Variants in GABRB2 observed in about 807,000 individuals in gnomAD.
The protein encoded by GABRB2 is gamma-aminobutyric acid receptor subunit beta-2.
Under a neutral mutation model 54.7 loss-of-function variants are expected in GABRB2, and 16 were observed. That is an observed-to-expected ratio of 0.29 (90% CI 0.20 to 0.44). The LOEUF (loss-of-function observed/expected upper bound fraction) is 0.44, where lower values mean the gene tolerates loss of function less well. Ranked by LOEUF, GABRB2 falls within the 20% of genes least tolerant of loss-of-function variation. The pLI, the probability that GABRB2 is intolerant of heterozygous loss-of-function variation, is 1.00. For missense variants in GABRB2, 355 were observed against 644.0 expected, an observed-to-expected ratio of 0.55 and a Z score of 4.86; for synonymous variants, 244 against 233.8, an observed-to-expected ratio of 1.04 and a Z score of -0.40.
chr5:161,380,484 A>G (rs527363297), intron 5 of GABRB2, among the ~76,000 whole-genome samples: 1 of 152,324 alleles, frequency 6.6e-6, no homozygotes, highest in African/African-American at 2.4e-5. Flanking sequence ...TTTGCACCCA[A>G]TTGCATTTGC....
chr5:161,522,701 C>T (rs540619353), intron 3 of GABRB2, among the ~76,000 whole-genome samples: 17 of 151,514 alleles, frequency 1.1e-4, no homozygotes, highest in African/African-American at 3.4e-4. Flanking sequence ...AAAACAACAA[C>T]GAAAAGAGAC....
intron 7 of GABRB2, among the ~76,000 whole-genome samples, chr5:161,334,047 G>A (rs1293273558): frequency 8.5e-5 from 13 of 152,166 alleles, no homozygotes. Flanking sequence ...AATAATAAAT[G>A]AGTGGCTCTT....
chr5:161,498,913 C>T (rs942262834), intron 3 of GABRB2, among the ~76,000 whole-genome samples: 1 of 152,146 alleles, frequency 6.6e-6, no homozygotes, highest in Non-Finnish European at 1.5e-5. Flanking sequence ...ATTACATATG[C>T]ATCAAATAAA....
chr5:161,427,606 GTTAA>G (rs142687988), intron 4 of GABRB2, among the ~76,000 whole-genome samples: 26,941 of 151,878 alleles, frequency 0.18, 3,430 homozygotes, highest in African/African-American at 0.36. Flanking sequence ...GCACAACTTT[GTTAA>G]TTTGGGTTGT....
At chr5:161,518,436 T>C (rs2113423366) in intron 3 of GABRB2, among the ~76,000 whole-genome samples, 1 of 152,314 alleles carries the variant, frequency 6.6e-6, no homozygotes, top group Non-Finnish European at 1.5e-5. Context: ...CAGGATTGCC[T>C]TGTAATGTTT....
intron 3 of GABRB2, among the ~76,000 whole-genome samples, chr5:161,526,318 G>T (rs1760278385): frequency 6.6e-6 from 1 of 151,236 alleles, no homozygotes; most frequent in Non-Finnish European, 1.5e-5. Context: ...TCAGTCTTTA[G>T]GTGATCAAGC....
At chr5:161,319,986 T>C (rs1190785180) in intron 9 of GABRB2, among the ~76,000 whole-genome samples, 4 of 151,856 alleles carry the variant, frequency 2.6e-5, no homozygotes, top group Non-Finnish European at 4.4e-5. Flanking sequence ...AATTTCCCCT[T>C]AATGTTTAAT....
chr5:161,323,025 T>C (rs1580978551), intron 9 of GABRB2, among the ~76,000 whole-genome samples: 1 of 149,532 alleles, frequency 6.7e-6, no homozygotes. Context: ...TCTTGAAATA[T>C]ACTTTTTTTT....
At chr5:161,453,576 C>T (rs1757856511) in intron 4 of GABRB2, among the ~76,000 whole-genome samples, 1 of 152,152 alleles carries the variant, frequency 6.6e-6, no homozygotes, top group South Asian at 2.1e-4. Context: ...TTTTGGACTT[C>T]CCAGCCTGCA....
At chr5:161,474,719 G>A (rs1171286715) in intron 3 of GABRB2, among the ~76,000 whole-genome samples, 1 of 151,876 alleles carries the variant, frequency 6.6e-6, no homozygotes, top group Non-Finnish European at 1.5e-5. Context: ...ATAACTAGAA[G>A]GAAATTACAT....
At chr5:161,410,927 G>T in intron 5 of GABRB2, 48 bp downstream of exon 5, 3 of 1,431,302 alleles carry the variant, frequency 2.1e-6, no homozygotes, top group South Asian at 1.2e-5. Flanking sequence ...CTCTGCGTAA[G>T]AACCTTAAAG....
chr5:161,396,826 A>G (rs1309522098), intron 5 of GABRB2, among the ~76,000 whole-genome samples: 1 of 152,220 alleles, frequency 6.6e-6, no homozygotes, highest in African/African-American at 2.4e-5. Flanking sequence ...CCAGATTGTA[A>G]TTAGACTTTC....
intron 3 of GABRB2, among the ~76,000 whole-genome samples, chr5:161,509,227 G>T (rs1394115354): frequency 2.0e-5 from 3 of 151,920 alleles, no homozygotes; most frequent in Non-Finnish European, 4.4e-5. Context: ...AATATGATTA[G>T]CTGAGTAAAC....
intron 5 of GABRB2, among the ~76,000 whole-genome samples, chr5:161,385,868 TAAGTC>T (rs1755609241): frequency 6.6e-6 from 1 of 151,548 alleles, no homozygotes; most frequent in Non-Finnish European, 1.5e-5. Context: ...AAAAGTGAGA[TAAGTC>T]AAGTAAAACA....
chr5:161,466,256 G>A (rs1758273280), intron 3 of GABRB2, among the ~76,000 whole-genome samples: 1 of 151,950 alleles, frequency 6.6e-6, no homozygotes. Flanking sequence ...GAAAATTCCT[G>A]GTCATCTTAA....
Position 161,461,767 on chromosome 5 carries a change from T to C in GABRB2, c.238-1923A>G, listed in dbSNP as rs556396183. ...AAACTAGAATCATGTATTAATTATC[T>C]CTGCAACCTGAGAGGCTAGAGCAGT... On this transcript the variant is annotated intron_variant, in intron 3 of 9. Coordinates refer to ENST00000393959, the MANE Select transcript of GABRB2 (RefSeq NM_001371727.1). 9.3e-4 allele frequency among the ~76,000 whole-genome samples: 141 copies of C among 152,302 alleles called. 2 individuals are homozygous for C. In the South Asian group the frequency reaches 0.024, roughly 26 times the overall value.
At chr5:161,513,426 A>C (rs2113410168) in intron 3 of GABRB2, among the ~76,000 whole-genome samples, 1 of 152,268 alleles carries the variant, frequency 6.6e-6, no homozygotes, top group Non-Finnish European at 1.5e-5. Context: ...TGGTATATAT[A>C]TACAATGGAA....
At chr5:161,402,088 C>T (rs1217994876) in intron 5 of GABRB2, among the ~76,000 whole-genome samples, 1 of 151,070 alleles carries the variant, frequency 6.6e-6, no homozygotes, top group Non-Finnish European at 1.5e-5. Context: ...TGTTTATATA[C>T]AAATATATAT....
intron 3 of GABRB2, among the ~76,000 whole-genome samples, chr5:161,535,374 C>A (rs116046651): frequency 0.025 from 3,734 of 151,802 alleles, 66 homozygotes; most frequent in Non-Finnish European, 0.039. Flanking sequence ...AGGTTTTTTT[C>A]AAGGTGGAGT....
Sources: gnomAD v4.1 joint callset for allele counts (sites outside exome capture counted in the v4.1 genomes callset) on GRCh38, gnomAD v4.1.1 for gene constraint, MANE v1.5 for transcripts, NCBI Gene and HGNC (gene_info 2026-07-23, HGNC 2026-07-21) for gene names.